DCDC2C: variants seen among roughly 807,000 people sequenced by gnomAD.
DCDC2C encodes doublecortin domain containing 2C.
In DCDC2C, 44 loss-of-function variants were observed where a neutral mutation model predicts 45.0. That is an observed-to-expected ratio of 0.98 (90% CI 0.77 to 1.26). The LOEUF is 1.26. Ranked by LOEUF, DCDC2C falls within the 50% of genes most tolerant of loss-of-function variation. DCDC2C has a pLI of 0.00. For missense variants in DCDC2C, 447 were observed against 468.9 expected, an observed-to-expected ratio of 0.95 and a Z score of 0.43; for synonymous variants, 187 against 178.8, an observed-to-expected ratio of 1.05 and a Z score of -0.37.
chr2:3,816,852 A>G (rs1226070545), intron 10 of DCDC2C, among the ~76,000 whole-genome samples: 1 of 152,180 alleles, frequency 6.6e-6, no homozygotes, highest in South Asian at 2.1e-4. Context: ...CCTGAGGAGT[A>G]GTAGAATAGC....
chr2:3,741,358 A>G (rs1460186836), intron 3 of DCDC2C, among the ~76,000 whole-genome samples: 2 of 152,184 alleles, frequency 1.3e-5, no homozygotes, highest in African/African-American at 4.8e-5. Flanking sequence ...CATTTTACCC[A>G]TTATAGTAGT....
At chr2:3,708,744 T>C (rs1323755243) in intron 2 of DCDC2C, 144 bp downstream of exon 2, 1 of 642,238 alleles carries the variant, frequency 1.6e-6, no homozygotes, top group Non-Finnish European at 2.7e-6. Context: ...GAACACACTG[T>C]GCAAGCTTGT....
chr2:3,721,037 A>C (rs62106600), intron 2 of DCDC2C, among the ~76,000 whole-genome samples: 25,324 of 152,166 alleles, frequency 0.17, 2,653 homozygotes, highest in Admixed American at 0.26. Flanking sequence ...ATCTGTTGGC[A>C]TGAAGTTGTT....
intron 4 of DCDC2C, among the ~76,000 whole-genome samples, chr2:3,745,832 C>G (rs1329011553): frequency 6.6e-6 from 1 of 151,860 alleles, no homozygotes; most frequent in Non-Finnish European, 1.5e-5. Context: ...ACCTCAGCCT[C>G]CTGAGTAGTT....
At chr2:3,827,245 G>A (rs1288799389) in intron 10 of DCDC2C, among the ~76,000 whole-genome samples, 1 of 152,144 alleles carries the variant, frequency 6.6e-6, no homozygotes, top group Non-Finnish European at 1.5e-5. Context: ...TACATATGGA[G>A]TGGAGGACAT....
intron 10 of DCDC2C, among the ~76,000 whole-genome samples, chr2:3,787,128 T>C (rs1670677414): frequency 6.6e-6 from 1 of 152,242 alleles, no homozygotes; most frequent in Non-Finnish European, 1.5e-5. Context: ...AACTAATGTG[T>C]ATTCATAGTG....
chr2:3,756,537 G>C (rs928705090), intron 6 of DCDC2C, among the ~76,000 whole-genome samples: 2 of 152,206 alleles, frequency 1.3e-5, no homozygotes, highest in African/African-American at 2.4e-5. Context: ...GCGAGCCACT[G>C]TGTGCACCTG....
intron 10 of DCDC2C, among the ~76,000 whole-genome samples, chr2:3,807,959 C>T (rs1572632784): frequency 6.6e-6 from 1 of 152,292 alleles, no homozygotes; most frequent in Non-Finnish European, 1.5e-5. Context: ...ATTCATTCCC[C>T]ATTGAAGGAC....
intron 3 of DCDC2C, among the ~76,000 whole-genome samples, chr2:3,739,331 C>A (rs1034409998): frequency 3.9e-5 from 6 of 152,194 alleles, no homozygotes. Context: ...ACCCAATGGA[C>A]CTGCGTGAGG....
intron 10 of DCDC2C, among the ~76,000 whole-genome samples, chr2:3,830,047 G>C (rs1671914831): frequency 1.3e-5 from 2 of 152,236 alleles, no homozygotes; most frequent in Admixed American, 1.3e-4. Context: ...GCAGCCCTGG[G>C]CTGTAGATAA....
intron 2 of DCDC2C, among the ~76,000 whole-genome samples, chr2:3,710,005 A>G (rs562167486): frequency 7.8e-4 from 119 of 152,232 alleles, no homozygotes; most frequent in African/African-American, 2.4e-3. Context: ...CACTCACTCT[A>G]TGAGGCTATA....
intron 10 of DCDC2C, among the ~76,000 whole-genome samples, chr2:3,786,085 A>G (rs1572616547): frequency 6.6e-6 from 1 of 152,366 alleles, no homozygotes; most frequent in East Asian, 1.9e-4. Flanking sequence ...CTGACTTGCA[A>G]AAATATTCCT....
chr2:3,719,937 G>C (rs916052884), intron 2 of DCDC2C, among the ~76,000 whole-genome samples: 2 of 152,216 alleles, frequency 1.3e-5, no homozygotes, highest in African/African-American at 4.8e-5. Flanking sequence ...GCAGGGTAAA[G>C]CACCTCTTGA....
rs140464445 is a variant in DCDC2C, at chr2:3,754,083, C to T, written c.684-509C>T. On this transcript the variant is annotated intron_variant, in intron 5 of 10. Transcript: ENST00000399143. ...TTGCCATTATCTGTTCATTGGGAAG[C>T]CCTGACCAGGTCTGACTGGCTTAAA... Among the ~76,000 whole-genome samples the T allele has an allele frequency of 4.7e-3, 711 of 152,302 alleles. 7 individuals carry two copies. Among genetic ancestry groups the T allele is most frequent in the African/African-American group, 0.016 (670 of 41,548 alleles).
chr2:3,726,246 C>T (rs1668683083), intron 2 of DCDC2C, among the ~76,000 whole-genome samples: 1 of 152,060 alleles, frequency 6.6e-6, no homozygotes, highest in Admixed American at 6.6e-5. Flanking sequence ...CTGGGATGTC[C>T]TCGGTGAGCC....
chr2:3,777,655 A>C (rs1670382529), intron 8 of DCDC2C, among the ~76,000 whole-genome samples: 1 of 152,230 alleles, frequency 6.6e-6, no homozygotes, highest in Non-Finnish European at 1.5e-5. Context: ...TACATAAGCT[A>C]TAGGAAGATA....
At chr2:3,719,920 G>T (rs116486112) in intron 2 of DCDC2C, among the ~76,000 whole-genome samples, 1 of 152,230 alleles carries the variant, frequency 6.6e-6, no homozygotes, top group East Asian at 1.9e-4. Context: ...GGACCAGGTC[G>T]GATGCTGCAG....
chr2:3,753,068 G>A (rs972009849), intron 5 of DCDC2C, among the ~76,000 whole-genome samples, 168 bp downstream of exon 5: 6 of 152,090 alleles, frequency 3.9e-5, no homozygotes, highest in African/African-American at 1.2e-4. Context: ...AATGAGGCGT[G>A]GGGGAACTGC....
intron 10 of DCDC2C, among the ~76,000 whole-genome samples, chr2:3,797,636 T>C (rs1169189614): frequency 6.6e-6 from 1 of 150,616 alleles, no homozygotes; most frequent in Non-Finnish European, 1.5e-5. Flanking sequence ...TACCCAGTAG[T>C]CATTCAGGAG....
Sources: allele counts gnomAD v4.1 joint callset (sites outside exome capture counted in the v4.1 genomes callset), GRCh38; gene constraint gnomAD v4.1.1; transcripts MANE v1.5; gene names NCBI Gene and HGNC (gene_info 2026-07-23, HGNC 2026-07-21).